The following EHBP1 variants were observed in gnomAD, a reference collection of about 807,000 sequenced individuals.
The protein encoded by EHBP1 is EH domain binding protein 1, also known as EH domain-binding protein 1.
EHBP1 carries 55 observed loss-of-function variants against 144.0 expected under a neutral mutation model. The observed-to-expected ratio is 0.38, with a 90% CI of 0.31 to 0.48. EHBP1 has a LOEUF of 0.48. Among genes scored for constraint, EHBP1 ranks in the 20% least tolerant of loss-of-function variants. The probability of loss-of-function intolerance (pLI) is 0.98; values close to 1 mark genes in which losing one functional copy is unlikely to be tolerated. For synonymous variants in EHBP1, 469 were observed against 472.7 expected (o/e 0.99, Z 0.10); for missense variants, 1,200 against 1,364.2 (o/e 0.88, Z 1.90).
chr2:63,001,246 A>T (rs2059835762), intron 19 of EHBP1, among the ~76,000 whole-genome samples: 1 of 152,164 alleles, frequency 6.6e-6, no homozygotes, highest in Admixed American at 6.5e-5. Flanking sequence ...CTGAGCGGAG[A>T]ATAACAATAA....
rs549954330 is a variant in EHBP1, at chr2:62,914,745, G to A, written c.1186-27973G>A. Among the ~76,000 whole-genome samples the A allele has an allele frequency of 2.0e-5, 3 of 152,038 alleles. No individual in the cohort carries two copies. In the South Asian group the frequency reaches 6.2e-4, roughly 32 times the overall value. The stretch of plus-strand genomic sequence containing the variant: ...TTTGTATAAACTATATACTTTAACA[G>A]GGTGAATGTTGCTATAAATTATACT... On this transcript the variant is annotated intron_variant, in intron 10 of 22. Coordinates refer to ENST00000431489, the MANE Select transcript of EHBP1 (RefSeq NM_001142616.3).
intron 19 of EHBP1, among the ~76,000 whole-genome samples, chr2:63,016,070 A>G (rs2060472915): frequency 6.6e-6 from 1 of 152,176 alleles, no homozygotes; most frequent in East Asian, 1.9e-4. Context: ...ACTAAAATTT[A>G]TAGAGTACTG....
chr2:62,954,821 A>T (rs895555395), intron 13 of EHBP1, among the ~76,000 whole-genome samples: 4 of 152,152 alleles, frequency 2.6e-5, no homozygotes, highest in African/African-American at 9.6e-5. Context: ...TTAGTAGAAA[A>T]AAAAGGAATT....
intron 19 of EHBP1, among the ~76,000 whole-genome samples, chr2:63,016,718 A>G (rs1423051650): frequency 6.6e-6 from 1 of 152,166 alleles, no homozygotes; most frequent in Non-Finnish European, 1.5e-5. Context: ...GGCATGAGCC[A>G]TCGCGCCCAG....
At chr2:62,965,317 T>G (rs2058196094) in intron 14 of EHBP1, among the ~76,000 whole-genome samples, 1 of 152,224 alleles carries the variant, frequency 6.6e-6, no homozygotes, top group African/African-American at 2.4e-5. Flanking sequence ...GCAAGTTTAT[T>G]TTCCTCTCTC....
intron 6 of EHBP1, chr2:62,826,476 G>T (rs2152614811): frequency 2.4e-6 from 1 of 419,286 alleles, no homozygotes; most frequent in Non-Finnish European, 4.2e-6. Flanking sequence ...ATAAACGTGA[G>T]CACAGCTGGT....
chr2:62,731,301 A>G (rs2037572673), intron 2 of EHBP1, among the ~76,000 whole-genome samples: 1 of 152,100 alleles, frequency 6.6e-6, no homozygotes. Context: ...TATGTATTTT[A>G]GGAGTTTTGT....
In EHBP1 at chr2:62,858,772, T is replaced by C. The variant is rs2049278132; in HGVS notation, c.635-397T>C. Reference sequence around the variant, plus strand: ...ACTTGGTCATACAACATGCTACTTCTTCAGTGTGTTTATATATTATAAATA... The same window carrying C: ...ACTTGGTCATACAACATGCTACTTCCTCAGTGTGTTTATATATTATAAATA... On this transcript the variant is annotated intron_variant, in intron 7 of 22. Transcript: ENST00000431489. Among the ~76,000 whole-genome samples the C allele has an allele frequency of 2.0e-5, 3 of 152,234 alleles. No homozygotes were observed. The South Asian group carries it at 6.2e-4, about 31-fold the overall frequency.
chr2:62,970,738 T>C (rs1574297741), intron 14 of EHBP1, among the ~76,000 whole-genome samples: 1 of 152,290 alleles, frequency 6.6e-6, no homozygotes, highest in South Asian at 2.1e-4. Flanking sequence ...TTGAATAAAG[T>C]TGGGGATTGG....
chr2:62,709,662 G>A (rs973298279), intron 2 of EHBP1, among the ~76,000 whole-genome samples: 1 of 151,980 alleles, frequency 6.6e-6, no homozygotes, highest in Non-Finnish European at 1.5e-5. Flanking sequence ...TGGCCATTAT[G>A]GTGTCCCTAT....
intron 3 of EHBP1, among the ~76,000 whole-genome samples, chr2:62,751,953 T>C (rs1454743043): frequency 6.6e-6 from 1 of 152,098 alleles, no homozygotes; most frequent in African/African-American, 2.4e-5. Flanking sequence ...TTCATTTTTT[T>C]TTTGAAGGGT....
intron 10 of EHBP1, among the ~76,000 whole-genome samples, chr2:62,882,611 G>A (rs372325678): frequency 1.3e-5 from 2 of 152,158 alleles, no homozygotes; most frequent in Non-Finnish European, 2.9e-5. Context: ...GGCCGGGTGC[G>A]GTGGCTCACG....
chr2:62,808,541 A>T (rs1433772552), intron 5 of EHBP1, among the ~76,000 whole-genome samples: 2 of 152,194 alleles, frequency 1.3e-5, no homozygotes, highest in African/African-American at 4.8e-5. Flanking sequence ...TTTATCTATT[A>T]GAGCCCTTAG....
intron 2 of EHBP1, among the ~76,000 whole-genome samples, chr2:62,728,956 G>C (rs1017433411): frequency 6.6e-6 from 1 of 151,670 alleles, no homozygotes; most frequent in Non-Finnish European, 1.5e-5. Flanking sequence ...TAAGGAAGGT[G>C]TCTACTTTTA....
At chr2:63,005,759 C>T (rs1354519769) in intron 19 of EHBP1, among the ~76,000 whole-genome samples, 2 of 151,988 alleles carry the variant, frequency 1.3e-5, no homozygotes, top group African/African-American at 4.8e-5. Flanking sequence ...AGGCTACTCA[C>T]AAATGTGGCT....
intron 21 of EHBP1, chr2:63,044,447 G>GT (rs1161356836): frequency 2.0e-5 from 3 of 152,116 alleles, no homozygotes; most frequent in African/African-American, 4.8e-5. Flanking sequence ...GAGCTGCAGT[G>GT]TAATATTGCA....
intron 2 of EHBP1, among the ~76,000 whole-genome samples, chr2:62,741,941 A>G (rs1309104416): frequency 6.6e-6 from 1 of 152,240 alleles, no homozygotes; most frequent in Non-Finnish European, 1.5e-5. Flanking sequence ...ACAACAGACC[A>G]CATACATGAA....
At chr2:62,740,314 T>C (rs1184573292) in intron 2 of EHBP1, among the ~76,000 whole-genome samples, 3 of 152,230 alleles carry the variant, frequency 2.0e-5, no homozygotes, top group African/African-American at 7.2e-5. Flanking sequence ...AAATATATCC[T>C]ATGTATGTAC....
rs942477039 is a variant in EHBP1 at position 62,765,793 on chromosome 2, G to T, written c.258+1432G>T. Among the ~76,000 whole-genome samples, 26 of 152,198 alleles carry T rather than the reference G, an allele frequency of 1.7e-4. 1 individual carries two copies. Among genetic ancestry groups the T allele is most frequent in the Admixed American group, 1.5e-3 (23 of 15,278 alleles). On this transcript the variant is annotated intron_variant, in intron 4 of 22. Transcript: ENST00000431489. ...TCAAAATACAAAATGAGAGGGGAGG[G>T]ATAGGCAGGGAGAATGGTATGATGT...
Sources: allele counts gnomAD v4.1 joint callset (sites outside exome capture counted in the v4.1 genomes callset), GRCh38; gene constraint gnomAD v4.1.1; transcripts MANE v1.5; gene names NCBI Gene and HGNC (gene_info 2026-07-23, HGNC 2026-07-21).